ATE1: variants seen among roughly 807,000 people sequenced by gnomAD.
The protein encoded by ATE1 is arginyltransferase 1, also known as arginyl-tRNA--protein transferase 1.
In ATE1, 36 loss-of-function variants were observed where a neutral mutation model predicts 70.5. That is an observed-to-expected ratio of 0.51 (90% CI 0.39 to 0.67). The LOEUF is 0.67. ATE1 is among the 30% of genes least tolerant of loss of function. The pLI is 0.00. For synonymous variants in ATE1, 232 were observed against 219.3 expected, an observed-to-expected ratio of 1.06 and a Z score of -0.51; for missense variants, 593 against 629.5, an observed-to-expected ratio of 0.94 and a Z score of 0.62.
At chr10:121,763,124 T>C (rs1945124679) in intron 11 of ATE1, among the ~76,000 whole-genome samples, 1 of 152,212 alleles carries the variant, frequency 6.6e-6, no homozygotes, top group Non-Finnish European at 1.5e-5. Flanking sequence ...CATTAGTATA[T>C]ATGCAAAAGG....
chr10:121,821,935 T>G (rs1947814837), intron 10 of ATE1, among the ~76,000 whole-genome samples: 1 of 152,204 alleles, frequency 6.6e-6, no homozygotes, highest in Admixed American at 6.5e-5. Context: ...GGAGCTTTCA[T>G]ATGCTGCCAG....
In ATE1 at chr10:121,740,815, T is replaced by C. The variant is rs948706652; in HGVS notation, c.*2865A>G. Reference sequence around the variant, plus strand: ...TTTGCAAAATGAATGAAAAATAGGATAAAGCTATTTAAAAGTCAACATAGT... The same window carrying C: ...TTTGCAAAATGAATGAAAAATAGGACAAAGCTATTTAAAAGTCAACATAGT... On this transcript the variant is annotated 3_prime_UTR_variant, in exon 12 of 12. Transcript: ENST00000224652. 1 of 152,186 alleles carries C rather than the reference T, an allele frequency of 6.6e-6. No individual in the cohort carries two copies. Among genetic ancestry groups the C allele is most frequent in the African/African-American group, 2.4e-5 (1 of 41,446 alleles). The allele number at this position is 152,186 out of a possible 1,614,324, so 9.4% of individuals were successfully genotyped here.
chr10:121,928,242 G>C (rs1184287820), upstream of ATE1: 2 of 1,396,122 alleles, frequency 1.4e-6, no homozygotes, highest in Non-Finnish European at 1.9e-6. Context: ...GGAGAGTCAA[G>C]AGGGGAAGGG....
At chr10:121,900,060 T>C in intron 6 of ATE1, 66 bp from the exon 7 acceptor site, 1 of 1,545,634 alleles carries the variant, frequency 6.5e-7, no homozygotes. Context: ...GGAATATGCA[T>C]TAAGAGTAAC....
chr10:121,893,866 G>A (rs778381688), intron 7 of ATE1, among the ~76,000 whole-genome samples: 2 of 152,120 alleles, frequency 1.3e-5, no homozygotes, highest in Admixed American at 6.5e-5. Context: ...GGCTGGGTGC[G>A]GTGGCTCATG....
intron 11 of ATE1, among the ~76,000 whole-genome samples, chr10:121,752,110 T>C (rs1944606097): frequency 6.8e-6 from 1 of 147,630 alleles, no homozygotes; most frequent in African/African-American, 2.5e-5. Flanking sequence ...GGCAGGAGAA[T>C]GGCATGAACC....
chr10:121,798,767 C>T (rs1946758999), intron 10 of ATE1, among the ~76,000 whole-genome samples: 1 of 151,984 alleles, frequency 6.6e-6, no homozygotes, highest in Non-Finnish European at 1.5e-5. Flanking sequence ...GGCGTGGTGA[C>T]ACACGCCTGT....
chr10:121,924,797 G>C (rs1461901514), intron 1 of ATE1, among the ~76,000 whole-genome samples: 1 of 151,732 alleles, frequency 6.6e-6, no homozygotes, highest in Non-Finnish European at 1.5e-5. Context: ...CTGTTAGTTG[G>C]GCATACACAC....
intron 11 of ATE1, among the ~76,000 whole-genome samples, chr10:121,766,251 A>T (rs1945272545): frequency 6.6e-6 from 1 of 152,158 alleles, no homozygotes. Flanking sequence ...CGACATGCTT[A>T]ATATTCTTCA....
At chr10:121,875,296 TG>T (rs1224554861) in intron 7 of ATE1, among the ~76,000 whole-genome samples, 6 of 123,226 alleles carry the variant, frequency 4.9e-5, no homozygotes, top group Admixed American at 9.6e-5. Context: ...GGTTTTTTTT[TG>T]GTTTTTTTTT....
At chr10:121,871,133 G>A (rs1035490825) in intron 7 of ATE1, among the ~76,000 whole-genome samples, 2 of 152,082 alleles carry the variant, frequency 1.3e-5, no homozygotes, top group South Asian at 2.1e-4. Context: ...GGAGAAGTGG[G>A]GAGAAAAGTA....
At chr10:121,928,462 A>G, upstream of ATE1, 1 of 1,509,962 alleles carries the variant, frequency 6.6e-7, no homozygotes, top group Non-Finnish European at 8.9e-7. Context: ...CGGGCCGACC[A>G]CGCCTCTTGG....
chr10:121,812,489 C>T (rs1021464415), intron 10 of ATE1, among the ~76,000 whole-genome samples: 4 of 152,162 alleles, frequency 2.6e-5, no homozygotes, highest in South Asian at 2.1e-4. Flanking sequence ...CCTTCCAATT[C>T]CTGGCCTATC....
At chr10:121,791,080 G>GTA (rs1381925656) in intron 10 of ATE1, among the ~76,000 whole-genome samples, 2 of 41,138 alleles carry the variant, frequency 4.9e-5, no homozygotes, top group Non-Finnish European at 9.6e-5. Flanking sequence ...GTGTGTGTGT[G>GTA]TGTGTGTGTA....
intron 10 of ATE1, among the ~76,000 whole-genome samples, chr10:121,800,839 C>T (rs1039751764): frequency 6.6e-6 from 1 of 152,086 alleles, no homozygotes; most frequent in Non-Finnish European, 1.5e-5. Flanking sequence ...GTGGGCTGTA[C>T]CCCCAGAGAA....
chr10:121,742,366 GC>G lies in ATE1; in HGVS notation c.*1313del, dbSNP rs1465965664. 6.6e-6 allele frequency: 1 copy of G among 152,132 alleles called. No individual in the cohort carries two copies. The highest frequency in any genetic ancestry group is 1.5e-5 in the Non-Finnish European group (1 of 68,022). 9.4% of individuals were successfully genotyped at this position (152,132 alleles called of 1,614,324 possible). The stretch of plus-strand genomic sequence containing the variant: ...TCAAACTACCATGTTTTATAACATG[GC>G]TTTTAAGAAACGATGAACCAAAACA... On this transcript the variant is annotated 3_prime_UTR_variant, in exon 12 of 12. Coordinates refer to ENST00000224652, the MANE Select transcript of ATE1 (RefSeq NM_001001976.3).
intron 10 of ATE1, among the ~76,000 whole-genome samples, chr10:121,802,385 T>G (rs995244055): frequency 1.3e-5 from 2 of 151,974 alleles, no homozygotes; most frequent in African/African-American, 4.8e-5. Flanking sequence ...CTTGGCCCAC[T>G]GCAACCTCCG....
intron 11 of ATE1, among the ~76,000 whole-genome samples, chr10:121,775,665 T>C (rs1321747484): frequency 6.6e-6 from 1 of 152,200 alleles, no homozygotes; most frequent in Non-Finnish European, 1.5e-5. Context: ...ATGTACAAAG[T>C]TGGCATTTTA....
At chr10:121,876,960 CA>C (rs1349671874) in intron 7 of ATE1, among the ~76,000 whole-genome samples, 4 of 145,244 alleles carry the variant, frequency 2.8e-5, no homozygotes, top group Non-Finnish European at 6.0e-5. Context: ...AGCGACACTC[CA>C]GTCTCAAAAA....
Sources: allele counts gnomAD v4.1 joint callset (sites outside exome capture counted in the v4.1 genomes callset), GRCh38; gene constraint gnomAD v4.1.1; transcripts MANE v1.5; gene names NCBI Gene and HGNC (gene_info 2026-07-23, HGNC 2026-07-21).